Variants in LRMDA observed in about 807,000 individuals in gnomAD.
The protein encoded by LRMDA is leucine rich melanocyte differentiation associated, also known as leucine-rich melanocyte differentiation-associated protein.
LRMDA carries 18 observed loss-of-function variants against 29.8 expected under a neutral mutation model. That is an observed-to-expected ratio of 0.60 (90% CI 0.42 to 0.90). LRMDA has a LOEUF of 0.90. Ranked by LOEUF, LRMDA falls within the 40% of genes least tolerant of loss-of-function variation. The pLI is 0.00. For missense variants in LRMDA, 273 were observed against 273.9 expected (o/e 1.00, Z 0.02); for synonymous variants, 125 against 109.4 (o/e 1.14, Z -0.89).
At chr10:76,478,156 A>G (rs1444436420) in intron 6 of LRMDA, among the ~76,000 whole-genome samples, 2 of 152,200 alleles carry the variant, frequency 1.3e-5, no homozygotes, top group African/African-American at 4.8e-5. Context: ...TACTCATCTG[A>G]CAAAGGGCTA....
Position 75,845,383 on chromosome 10 carries a change from G to A in LRMDA, c.132-190625G>A, listed in dbSNP as rs76968576. Among the ~76,000 whole-genome samples, 835 of 152,222 alleles carry A rather than the reference G, an allele frequency of 5.5e-3. 10 individuals are homozygous for A. Among genetic ancestry groups the A allele is most frequent in the African/African-American group, 0.02 (818 of 41,546 alleles). On this transcript the variant is annotated intron_variant, in intron 2 of 6. Transcript: ENST00000611255. Reference sequence around the variant, plus strand: ...CCAGACATATCAAGTATAACTGAATGGATCATTTAACTGGCATTTGTTTCA... The same window carrying A: ...CCAGACATATCAAGTATAACTGAATAGATCATTTAACTGGCATTTGTTTCA...
chr10:76,272,050 T>A (rs999378614), intron 5 of LRMDA, among the ~76,000 whole-genome samples: 1 of 152,148 alleles, frequency 6.6e-6, no homozygotes, highest in African/African-American at 2.4e-5. Flanking sequence ...GAGAGATCCA[T>A]GAAGGAATAG....
chr10:75,597,943 G>A (rs745484580), intron 2 of LRMDA, among the ~76,000 whole-genome samples: 13 of 152,122 alleles, frequency 8.5e-5, no homozygotes, highest in East Asian at 1.9e-4. Flanking sequence ...GCGAGGGGAC[G>A]CCTGAGGGGG....
intron 2 of LRMDA, among the ~76,000 whole-genome samples, chr10:75,767,413 CAT>C (rs1589193636): frequency 6.6e-6 from 1 of 152,132 alleles, no homozygotes; most frequent in Non-Finnish European, 1.5e-5. Context: ...AGCTTTTTTT[CAT>C]ATGTTTGTTG....
chr10:76,541,056 G>A (rs1843348508), intron 6 of LRMDA, among the ~76,000 whole-genome samples: 1 of 152,154 alleles, frequency 6.6e-6, no homozygotes, highest in African/African-American at 2.4e-5. Flanking sequence ...TCCTTAGTCT[G>A]ATTTGGATAA....
chr10:76,246,624 T>C (rs1852383179), intron 5 of LRMDA, among the ~76,000 whole-genome samples: 1 of 152,232 alleles, frequency 6.6e-6, no homozygotes, highest in African/African-American at 2.4e-5. Context: ...GCAACCTTTC[T>C]TGAAGCACAG....
intron 5 of LRMDA, among the ~76,000 whole-genome samples, chr10:76,304,899 A>G (rs1223548268): frequency 6.6e-6 from 1 of 152,096 alleles, no homozygotes; most frequent in Non-Finnish European, 1.5e-5. Context: ...CAGGGTGAGG[A>G]GTGAAGGCAA....
rs776439017 is a variant in LRMDA, at chr10:76,448,594, C to T, written c.602-108615C>T. The stretch of plus-strand genomic sequence containing the variant: ...GACATGTTAGTGCTCTGAAATATTC[C>T]GATATCTCTTTTGATATTATTTCTT... On this transcript the variant is annotated intron_variant, in intron 6 of 6. Coordinates refer to ENST00000611255, the MANE Select transcript of LRMDA (RefSeq NM_001305581.2). Among the ~76,000 whole-genome samples, 56 of 151,982 alleles carry T rather than the reference C, an allele frequency of 3.7e-4. 1 individual carries two copies. The highest frequency in any genetic ancestry group is 1.0e-4 in the Non-Finnish European group (7 of 67,926).
chr10:75,983,953 C>T (rs187769894), intron 2 of LRMDA, among the ~76,000 whole-genome samples: 1 of 152,188 alleles, frequency 6.6e-6, no homozygotes, highest in African/African-American at 2.4e-5. Flanking sequence ...CCACGCCCGG[C>T]CCCCAGTGTG....
rs553207358 is a variant in LRMDA, at chr10:76,307,275, C to T, written c.517-17126C>T. On this transcript the variant is annotated intron_variant, in intron 5 of 6. Transcript: ENST00000611255. ...AAACTTTATGATATCTGCAAGACCT[C>T]GTGGGGAGGGTTTTCTGGAGGTGGA... 4.6e-5 allele frequency among the ~76,000 whole-genome samples: 7 copies of T among 152,194 alleles called. No individual in the cohort carries two copies. In the South Asian group the frequency reaches 1.0e-3, roughly 23 times the overall value.
At chr10:76,377,531 A>T (rs11001759) in intron 6 of LRMDA, among the ~76,000 whole-genome samples, 5,873 of 152,218 alleles carry the variant, frequency 0.039, 188 homozygotes, top group Non-Finnish European at 0.06. Context: ...TGAGGTCTTT[A>T]TTCCATCTTG....
At chr10:75,664,958 A>G (rs1386356099) in intron 2 of LRMDA, among the ~76,000 whole-genome samples, 3 of 152,138 alleles carry the variant, frequency 2.0e-5, no homozygotes, top group Non-Finnish European at 4.4e-5. Context: ...TTTAGATACT[A>G]TTTTCAATCT....
At chr10:76,105,206 C>T (rs988656598) in intron 5 of LRMDA, among the ~76,000 whole-genome samples, 3 of 152,128 alleles carry the variant, frequency 2.0e-5, no homozygotes, top group African/African-American at 7.2e-5. Flanking sequence ...TATTTATTGA[C>T]ATAAATATTA....
At chr10:75,692,245 T>TATATATATATATATAC (rs1564541601) in intron 2 of LRMDA, among the ~76,000 whole-genome samples, 1 of 127,774 alleles carries the variant, frequency 7.8e-6, no homozygotes, top group African/African-American at 2.8e-5. Context: ...TATATATATA[T>TATATATATATATATAC]ATACATATAT....
rs577759218 is a variant in LRMDA, at chr10:76,367,470, G to A, written c.601+42985G>A. On this transcript the variant is annotated intron_variant, in intron 6 of 6. Coordinates refer to ENST00000611255, the MANE Select transcript of LRMDA (RefSeq NM_001305581.2). ...GTGGAGTTTTGCTCTTGTTGCCCTGGCTGGAGTGCAATGGCATGATCTCAG... is the reference window on the plus strand; with the variant it reads ...GTGGAGTTTTGCTCTTGTTGCCCTGACTGGAGTGCAATGGCATGATCTCAG... Among the ~76,000 whole-genome samples the A allele has an allele frequency of 2.0e-5, 3 of 151,638 alleles. No individual in the cohort carries two copies. In the South Asian group the frequency reaches 6.3e-4, roughly 32 times the overall value.
At chr10:76,490,163 T>C (rs895822498) in intron 6 of LRMDA, among the ~76,000 whole-genome samples, 2 of 152,064 alleles carry the variant, frequency 1.3e-5, no homozygotes, top group African/African-American at 4.8e-5. Flanking sequence ...AGATGCTTGA[T>C]ATTAGTTCAA....
intron 2 of LRMDA, among the ~76,000 whole-genome samples, chr10:75,783,910 GT>G (rs1451472715): frequency 6.6e-6 from 1 of 152,162 alleles, no homozygotes; most frequent in Non-Finnish European, 1.5e-5. Context: ...CCTGGTTTGG[GT>G]CATTCTGTAT....
chr10:75,836,218 A>C (rs1367110500), intron 2 of LRMDA, among the ~76,000 whole-genome samples: 1 of 152,194 alleles, frequency 6.6e-6, no homozygotes, highest in African/African-American at 2.4e-5. Context: ...GAAAATGTGC[A>C]TTGGCTTTTG....
chr10:75,734,451 C>T (rs1345577508), intron 2 of LRMDA, among the ~76,000 whole-genome samples: 2 of 152,188 alleles, frequency 1.3e-5, no homozygotes, highest in Non-Finnish European at 2.9e-5. Flanking sequence ...GGAAATATCA[C>T]TTCCTCTCTA....
Sources: gnomAD v4.1 joint callset for allele counts (sites outside exome capture counted in the v4.1 genomes callset) on GRCh38, gnomAD v4.1.1 for gene constraint, MANE v1.5 for transcripts, NCBI Gene and HGNC (gene_info 2026-07-23, HGNC 2026-07-21) for gene names.